The following GATAD2A variants were observed in gnomAD, a reference collection of about 807,000 sequenced individuals.
GATAD2A encodes the protein transcriptional repressor p66-alpha.
A neutral mutation model predicts 68.5 loss-of-function variants in GATAD2A; 12 were observed. The ratio of observed to expected loss-of-function variants is 0.18; its 90% confidence interval spans 0.11 to 0.28. The LOEUF (loss-of-function observed/expected upper bound fraction) is 0.28. Ranked by LOEUF, GATAD2A falls within the 10% of genes least tolerant of loss-of-function variation. The pLI, the probability that GATAD2A is intolerant of heterozygous loss-of-function variation, is 1.00. For missense variants in GATAD2A, 755 were observed against 868.5 expected (o/e 0.87, Z 1.64); for synonymous variants, 410 against 375.3 (o/e 1.09, Z -1.07).
chr19:19,433,462 T>C (rs1344576339), intron 1 of GATAD2A, among the ~76,000 whole-genome samples: 2 of 152,268 alleles, frequency 1.3e-5, no homozygotes, highest in African/African-American at 2.4e-5. Context: ...AGTTTGTCAT[T>C]TCTTCAAACC....
chr19:19,410,816 A>G (rs1296812629), intron 1 of GATAD2A, among the ~76,000 whole-genome samples: 1 of 152,116 alleles, frequency 6.6e-6, no homozygotes, highest in Non-Finnish European at 1.5e-5. Flanking sequence ...GCCACTTCCT[A>G]GCGAAAGACC....
chr19:19,457,371 A>ATCC (rs928513850), intron 1 of GATAD2A: 25 of 263,250 alleles, frequency 9.5e-5, no homozygotes, highest in African/African-American at 5.7e-4. Flanking sequence ...TGGCTGTTCC[A>ATCC]TCCTCCTCCT....
intron 1 of GATAD2A, among the ~76,000 whole-genome samples, chr19:19,442,434 T>C (rs1425779421): frequency 6.6e-6 from 1 of 151,942 alleles, no homozygotes; most frequent in Non-Finnish European, 1.5e-5. Flanking sequence ...AAGACCAGCC[T>C]GGCCAATATG....
intron 2 of GATAD2A, among the ~76,000 whole-genome samples, chr19:19,492,051 C>T (rs1044792070): frequency 6.6e-6 from 1 of 152,238 alleles, no homozygotes; most frequent in Non-Finnish European, 1.5e-5. Context: ...ACCCTCAGCC[C>T]TGGCGACATG....
At chr19:19,494,892 A>G (rs774896398) in intron 5 of GATAD2A, among the ~76,000 whole-genome samples, 12 of 151,952 alleles carry the variant, frequency 7.9e-5, no homozygotes, top group Non-Finnish European at 1.8e-4. Flanking sequence ...GGTGGGACTC[A>G]CTCAGGAGTG....
chr19:19,457,910 A>G (rs2057083807), intron 1 of GATAD2A, among the ~76,000 whole-genome samples: 1 of 152,082 alleles, frequency 6.6e-6, no homozygotes, highest in Non-Finnish European at 1.5e-5. Context: ...GCCCGTCTCC[A>G]ACTCATGCAG....
chr19:19,469,087 C>CTG (rs1227011772), intron 2 of GATAD2A, among the ~76,000 whole-genome samples: 1 of 152,146 alleles, frequency 6.6e-6, no homozygotes, highest in African/African-American at 2.4e-5. Context: ...AAGATGCTTA[C>CTG]TGTAATGCCT....
rs532576207 is a variant in GATAD2A, at chr19:19,467,330, C to T, written c.269+1716C>T. ...GGCGGAGCTTGCAATGAGCCGAGAT[C>T]GCGCCACTGTACTTCAGCCTGGGGA... On this transcript the variant is annotated intron_variant, in intron 2 of 11. Transcript: ENST00000683918. Among the ~76,000 whole-genome samples, 28 of 152,230 alleles carry T rather than the reference C, an allele frequency of 1.8e-4. No individual in the cohort carries two copies. The South Asian group carries it at 4.4e-3, about 24-fold the overall frequency.
intron 1 of GATAD2A, among the ~76,000 whole-genome samples, chr19:19,457,613 C>T (rs1380568189): frequency 6.6e-6 from 1 of 152,024 alleles, no homozygotes; most frequent in Non-Finnish European, 1.5e-5. Flanking sequence ...TGGTGATGGG[C>T]GCCTGTAGTC....
intron 1 of GATAD2A, among the ~76,000 whole-genome samples, chr19:19,443,011 C>G (rs2055287797): frequency 6.6e-6 from 1 of 152,132 alleles, no homozygotes; most frequent in Non-Finnish European, 1.5e-5. Context: ...CCTAGGGTGA[C>G]AGGGATGCTC....
At chr19:19,405,522 A>C (rs926804327), upstream of GATAD2A, among the ~76,000 whole-genome samples, 21 of 152,114 alleles carry the variant, frequency 1.4e-4, no homozygotes, top group Middle Eastern at 0.021. Flanking sequence ...AGCGCGCCCA[A>C]CGAGGTGTCG....
At chr19:19,469,233 C>T (rs1203246728) in intron 2 of GATAD2A, among the ~76,000 whole-genome samples, 25 of 151,880 alleles carry the variant, frequency 1.6e-4, no homozygotes, top group Non-Finnish European at 1.5e-5. Flanking sequence ...AGACCAAGAC[C>T]ATCCTGGCTA....
chr19:19,453,675 T>TA (rs1568299935), intron 1 of GATAD2A, among the ~76,000 whole-genome samples: 45 of 141,984 alleles, frequency 3.2e-4, no homozygotes, highest in African/African-American at 9.1e-4. Flanking sequence ...TTTAATTTTT[T>TA]TAAAATTTTT....
chr19:19,465,093 G>A, intron 1 of GATAD2A: 4 of 576,468 alleles, frequency 6.9e-6, no homozygotes, highest in East Asian at 5.9e-5. Context: ...AGGGCAGGGT[G>A]TAGTTTGGCT....
intron 1 of GATAD2A, among the ~76,000 whole-genome samples, chr19:19,456,553 A>T (rs2056959182): frequency 6.6e-6 from 1 of 152,088 alleles, no homozygotes; most frequent in South Asian, 2.1e-4. Context: ...TGTGTCCCTA[A>T]CCCTTATGTC....
intron 1 of GATAD2A, among the ~76,000 whole-genome samples, chr19:19,417,043 T>C (rs1024817948): frequency 6.6e-6 from 1 of 152,200 alleles, no homozygotes; most frequent in Non-Finnish European, 1.5e-5. Flanking sequence ...ATTACAGGTG[T>C]GAGCCACCGT....
chr19:19,441,305 G>A (rs558734380), intron 1 of GATAD2A, among the ~76,000 whole-genome samples: 1 of 152,292 alleles, frequency 6.6e-6, no homozygotes, highest in East Asian at 1.9e-4. Context: ...TATTGTAGGA[G>A]AAAATAAGTA....
chr19:19,487,639 G>A (rs1031593632), intron 2 of GATAD2A, among the ~76,000 whole-genome samples: 3 of 152,144 alleles, frequency 2.0e-5, no homozygotes, highest in Non-Finnish European at 2.9e-5. Flanking sequence ...CCTTCACCCC[G>A]AGGCAAGGGG....
At chr19:19,417,974 G>C (rs915286894) in intron 1 of GATAD2A, among the ~76,000 whole-genome samples, 3 of 152,168 alleles carry the variant, frequency 2.0e-5, no homozygotes, top group African/African-American at 7.2e-5. Context: ...GGGGGAAACA[G>C]GGCAGGGTGT....
Sources: gnomAD v4.1 joint callset for allele counts (sites outside exome capture counted in the v4.1 genomes callset) on GRCh38, gnomAD v4.1.1 for gene constraint, MANE v1.5 for transcripts, NCBI Gene and HGNC (gene_info 2026-07-23, HGNC 2026-07-21) for gene names.